The following AFF2 variants were observed in gnomAD, a reference collection of about 807,000 sequenced individuals.
The protein encoded by AFF2 is ALF transcription elongation factor 2.
A neutral mutation model predicts 76.9 loss-of-function variants in AFF2; 14 were observed. The observed-to-expected ratio is 0.18, with a 90% CI of 0.12 to 0.28. AFF2 has a LOEUF of 0.28. Among genes scored for constraint, AFF2 ranks in the 10% least tolerant of loss-of-function variants. The pLI, the probability that AFF2 is intolerant of heterozygous loss-of-function variation, is 1.00. For missense variants in AFF2, 868 were observed against 1,001.1 expected (o/e 0.87, Z 1.79); for synonymous variants, 398 against 366.7 (o/e 1.09, Z -0.98).
At chrX:148,764,452 G>A (rs992019149) in intron 3 of AFF2, among the ~76,000 whole-genome samples, 2 of 112,099 alleles carry the variant, frequency 1.8e-5, no homozygotes, top group African/African-American at 3.2e-5. Context: ...ATTGAACTAT[G>A]GACATGCAAA....
At chrX:148,772,271 ATGTTTGAT>A (rs1479495230) in intron 3 of AFF2, among the ~76,000 whole-genome samples, 1 of 112,319 alleles carries the variant, frequency 8.9e-6, no homozygotes, top group Non-Finnish European at 1.9e-5. Context: ...TTAGAAGGCA[ATGTTTGAT>A]ACATTAAAAA....
intron 2 of AFF2, among the ~76,000 whole-genome samples, chrX:148,656,084 A>C (rs2054248513): frequency 8.9e-6 from 1 of 111,741 alleles, no homozygotes; most frequent in Admixed American, 9.4e-5. Flanking sequence ...CAGAAAGATA[A>C]ATGGTGATCT....
intron 1 of AFF2, among the ~76,000 whole-genome samples, chrX:148,519,515 A>G (rs1159106435): frequency 7.1e-5 from 8 of 112,442 alleles, no homozygotes; most frequent in African/African-American, 2.3e-4. Flanking sequence ...ATGAAAAAAG[A>G]AAACCAGAAA....
chrX:148,845,145 G>GCA (rs1375859606), intron 7 of AFF2, among the ~76,000 whole-genome samples: 1 of 35,916 alleles, frequency 2.8e-5, no homozygotes, highest in African/African-American at 4.2e-5. Context: ...ACACACACAC[G>GCA]CACACTCACA....
chrX:148,867,980 A>G (rs1285720170), intron 7 of AFF2, among the ~76,000 whole-genome samples: 1 of 111,193 alleles, frequency 9.0e-6, no homozygotes, highest in Non-Finnish European at 1.9e-5. Context: ...TCCTGTCCAC[A>G]CCCTGGAACC....
At chrX:148,793,597 A>C (rs2069929138) in intron 3 of AFF2, among the ~76,000 whole-genome samples, 1 of 111,852 alleles carries the variant, frequency 8.9e-6, no homozygotes, top group South Asian at 3.8e-4. Flanking sequence ...TTGCTGAATT[A>C]AATCGTAATC....
chrX:148,742,583 T>C (rs1310058279), intron 3 of AFF2, among the ~76,000 whole-genome samples: 2 of 88,925 alleles, frequency 2.2e-5, no homozygotes, highest in African/African-American at 8.5e-5. Context: ...CAGAATCCAT[T>C]GAACTTCTGT....
intron 20 of AFF2, among the ~76,000 whole-genome samples, chrX:148,989,365 T>A: frequency 8.9e-6 from 1 of 112,642 alleles, no homozygotes; most frequent in Non-Finnish European, 1.9e-5. Context: ...ATGTGATGGC[T>A]GTGCTGATGT....
chrX:148,789,653 G>A (rs1481944366), intron 3 of AFF2, among the ~76,000 whole-genome samples: 1 of 111,575 alleles, frequency 9.0e-6, no homozygotes, highest in Non-Finnish European at 1.9e-5. Flanking sequence ...GGCTGTCAAA[G>A]GTTGCCTTGA....
At chrX:148,821,157 T>C (rs1557272506) in intron 4 of AFF2, among the ~76,000 whole-genome samples, 1 of 111,657 alleles carries the variant, frequency 9.0e-6, no homozygotes, top group African/African-American at 3.3e-5. Flanking sequence ...GCTGAATGTT[T>C]TTGGGTAAAT....
intron 8 of AFF2, among the ~76,000 whole-genome samples, chrX:148,900,789 A>T (rs781865753): frequency 8.9e-6 from 1 of 112,146 alleles, no homozygotes; most frequent in South Asian, 3.8e-4. Context: ...ATCTAAACAT[A>T]TCAAAGTCTT....
chrX:148,769,342 GGAGTGTGAGTGGTTTTCAT>G (rs1376168331), intron 3 of AFF2, among the ~76,000 whole-genome samples: 1 of 111,699 alleles, frequency 9.0e-6, no homozygotes, highest in Non-Finnish European at 1.9e-5. Flanking sequence ...CAGCAGGCAT[GGAGTGTGAGTGGTTTTCAT>G]GAGTGTGAGT....
At chrX:148,512,442 A>G (rs1172085560) in intron 1 of AFF2, among the ~76,000 whole-genome samples, 1 of 112,419 alleles carries the variant, frequency 8.9e-6, no homozygotes, top group African/African-American at 3.2e-5. Context: ...TCTGCCATAC[A>G]TACTTTGGTA....
intron 1 of AFF2, among the ~76,000 whole-genome samples, chrX:148,626,076 CT>C: frequency 8.9e-6 from 1 of 111,928 alleles, no homozygotes; most frequent in Non-Finnish European, 1.9e-5. Context: ...GGAAATGCTC[CT>C]TTGGAAAAAT....
intron 1 of AFF2, among the ~76,000 whole-genome samples, chrX:148,648,326 C>T (rs782439847): frequency 5.5e-4 from 61 of 110,066 alleles, no homozygotes; most frequent in Non-Finnish European, 1.0e-3. Context: ...TTTGGGAGGC[C>T]GAGACGGGTG....
chrX:148,848,142 T>C (rs1026572817), intron 7 of AFF2, among the ~76,000 whole-genome samples: 2 of 110,770 alleles, frequency 1.8e-5, no homozygotes, highest in African/African-American at 3.3e-5. Context: ...AAGTTTTCCT[T>C]TTGTACCTGG....
chrX:148,775,849 T>C (rs937837287), intron 3 of AFF2, among the ~76,000 whole-genome samples: 2 of 81,289 alleles, frequency 2.5e-5, no homozygotes, highest in African/African-American at 3.8e-5. Context: ...ATGCATCCTC[T>C]CAAGATCCTT....
At chrX:148,597,566 A>G (rs1286578127) in intron 1 of AFF2, among the ~76,000 whole-genome samples, 1 of 112,522 alleles carries the variant, frequency 8.9e-6, no homozygotes, top group Non-Finnish European at 1.9e-5. Flanking sequence ...TTAATCAAAC[A>G]AAATATATGT....
chrX:148,653,831 G>T, intron 2 of AFF2, among the ~76,000 whole-genome samples: 1 of 111,662 alleles, frequency 9.0e-6, no homozygotes, highest in Non-Finnish European at 1.9e-5. Flanking sequence ...AACAAGTTTT[G>T]TTCAGGAGGA....
Sources: gnomAD v4.1 joint callset for allele counts (sites outside exome capture counted in the v4.1 genomes callset) on GRCh38, gnomAD v4.1.1 for gene constraint, MANE v1.5 for transcripts, NCBI Gene and HGNC (gene_info 2026-07-23, HGNC 2026-07-21) for gene names.